Variants in PRKCH observed in about 807,000 individuals in gnomAD.
PRKCH encodes the protein protein kinase C eta type.
Under a neutral mutation model 82.5 loss-of-function variants are expected in PRKCH, and 28 were observed. That is an observed-to-expected ratio of 0.34 (90% CI 0.25 to 0.47). The LOEUF (loss-of-function observed/expected upper bound fraction) is 0.47, where lower values mean the gene tolerates loss of function less well. Among genes scored for constraint, PRKCH ranks in the 20% least tolerant of loss-of-function variants. PRKCH has a pLI of 1.00. For missense variants in PRKCH, 705 were observed against 881.8 expected, an observed-to-expected ratio of 0.80 and a Z score of 2.54; for synonymous variants, 322 against 327.4, an observed-to-expected ratio of 0.98 and a Z score of 0.18.
At chr14:61,372,678 A>G (rs1352681564) in intron 1 of PRKCH, among the ~76,000 whole-genome samples, 1 of 152,060 alleles carries the variant, frequency 6.6e-6, no homozygotes, top group Non-Finnish European at 1.5e-5. Context: ...TTAAGCCAGC[A>G]TCTTTTCCCT....
At position 61,516,073 on chromosome 14, in the gene PRKCH, A is replaced by G. The variant is rs1238181590; in HGVS notation, c.1434-13002A>G. On this transcript the variant is annotated intron_variant, in intron 10 of 13. Transcript: ENST00000332981. ...AACTAAACTCGGCTAATCAGGCTCT[A>G]AAGTCTGTGCCCGTAGCCTCACAAT... 2.0e-5 allele frequency among the ~76,000 whole-genome samples: 3 copies of G among 152,166 alleles called. No homozygotes were observed. In the East Asian group the frequency reaches 5.8e-4, roughly 29 times the overall value.
At chr14:61,386,946 C>G (rs1241364251) in intron 1 of PRKCH, among the ~76,000 whole-genome samples, 1 of 152,148 alleles carries the variant, frequency 6.6e-6, no homozygotes, top group African/African-American at 2.4e-5. Context: ...AAAAAAAAAT[C>G]CCAAAGAATC....
At chr14:61,329,638 C>A (rs2045755724) in intron 1 of PRKCH, among the ~76,000 whole-genome samples, 1 of 152,160 alleles carries the variant, frequency 6.6e-6, no homozygotes, top group South Asian at 2.1e-4. Context: ...CAATGAGCAT[C>A]TTTCAGTTCC....
intron 2 of PRKCH, among the ~76,000 whole-genome samples, chr14:61,426,232 A>G (rs970838169): frequency 3.3e-5 from 5 of 152,240 alleles, no homozygotes; most frequent in African/African-American, 1.2e-4. Flanking sequence ...TTCTTCATGT[A>G]GAGGAACATT....
chr14:61,329,254 T>TTTTTTTTTTTTTTTTTTTTTG (rs1555375988), intron 1 of PRKCH, among the ~76,000 whole-genome samples: 1 of 122,440 alleles, frequency 8.2e-6, no homozygotes, highest in African/African-American at 3.2e-5. Context: ...TTTTTTTTTT[T>TTTTTTTTTTTTTTTTTTTTTG]GAGACAGAAT....
At chr14:61,485,915 C>T (rs1886198953) in intron 10 of PRKCH, among the ~76,000 whole-genome samples, 2 of 152,340 alleles carry the variant, frequency 1.3e-5, no homozygotes, top group East Asian at 1.9e-4. Context: ...GCACGCACCA[C>T]TACACATGGC....
intron 10 of PRKCH, among the ~76,000 whole-genome samples, chr14:61,490,473 T>C (rs1886406517): frequency 6.6e-6 from 1 of 152,232 alleles, no homozygotes; most frequent in African/African-American, 2.4e-5. Context: ...ATCATCTAGC[T>C]CTTGTTTCTC....
chr14:61,285,238 A>G lies in PRKCH; in HGVS notation c.-19+97570A>G, dbSNP rs572708805. ...GAGTCATATTTACACTGCCACACCA[A>G]TGTATATATTTTGATACTTTCACCA... On this transcript the variant is annotated intron_variant, in intron 1 of 3. Transcript: ENST00000555185. Among the ~76,000 whole-genome samples the G allele has an allele frequency of 5.9e-5, 9 of 152,360 alleles. No homozygotes were observed. The South Asian group carries it at 1.7e-3, about 28-fold the overall frequency.
intron 2 of PRKCH, among the ~76,000 whole-genome samples, chr14:61,439,435 G>A (rs1309337360): frequency 6.6e-6 from 1 of 152,190 alleles, no homozygotes; most frequent in Non-Finnish European, 1.5e-5. Flanking sequence ...GTGTGTAGGT[G>A]CATGAGTGTG....
chr14:61,392,177 G>T (rs944079620), intron 2 of PRKCH, among the ~76,000 whole-genome samples: 1 of 150,802 alleles, frequency 6.6e-6, no homozygotes, highest in East Asian at 1.9e-4. Flanking sequence ...GACTTTTGGG[G>T]TTTTTCCTAT....
At chr14:61,338,604 A>G (rs1354787951) in intron 1 of PRKCH, among the ~76,000 whole-genome samples, 1 of 152,216 alleles carries the variant, frequency 6.6e-6, no homozygotes, top group African/African-American at 2.4e-5. Flanking sequence ...TCAGGAATGT[A>G]TTAATGACAG....
At chr14:61,443,293 G>C (rs771730667) in intron 3 of PRKCH, 32 bp downstream of exon 3, 2 of 1,597,842 alleles carry the variant, frequency 1.3e-6, no homozygotes, top group Non-Finnish European at 1.7e-6. Flanking sequence ...GTCCTCCTCA[G>C]AGCTTCCATC....
chr14:61,507,850 C>T (rs1594772307), intron 10 of PRKCH, among the ~76,000 whole-genome samples: 1 of 152,190 alleles, frequency 6.6e-6, no homozygotes, highest in East Asian at 1.9e-4. Flanking sequence ...GGAAATCCTA[C>T]TGTACAACAT....
At chr14:61,457,114 C>T (rs1262700781) in intron 7 of PRKCH, 62 bp from the exon 8 acceptor site, 27 of 1,562,562 alleles carry the variant, frequency 1.7e-5, no homozygotes, top group East Asian at 2.3e-5. Flanking sequence ...AGGTCTTCTT[C>T]GTGCATGGGT....
At chr14:61,454,173 C>T (rs1019956191) in intron 7 of PRKCH, among the ~76,000 whole-genome samples, 13 of 150,658 alleles carry the variant, frequency 8.6e-5, no homozygotes, top group Non-Finnish European at 1.2e-4. Flanking sequence ...CAGTGATATT[C>T]GCTCACTGCA....
At chr14:61,212,362 A>G (rs2044589471) in intron 1 of PRKCH, among the ~76,000 whole-genome samples, 1 of 152,218 alleles carries the variant, frequency 6.6e-6, no homozygotes, top group Non-Finnish European at 1.5e-5. Context: ...GCTGAGAAGT[A>G]TCAATTTTCA....
At chr14:61,241,821 T>A (rs913398321) in intron 1 of PRKCH, among the ~76,000 whole-genome samples, 7 of 152,216 alleles carry the variant, frequency 4.6e-5, no homozygotes, top group Non-Finnish European at 8.8e-5. Flanking sequence ...AAGAACAGTA[T>A]CTACTCTGTG....
At chr14:61,443,061 C>A (rs533310012) in intron 2 of PRKCH, 50 bp from the exon 3 acceptor site, 4 of 1,544,758 alleles carry the variant, frequency 2.6e-6, no homozygotes, top group Non-Finnish European at 3.5e-6. Context: ...CTATTAGGTG[C>A]GTTAGGTTCC....
At chr14:61,205,293 A>G (rs192993989) in intron 1 of PRKCH, among the ~76,000 whole-genome samples, 1 of 152,304 alleles carries the variant, frequency 6.6e-6, no homozygotes, top group African/African-American at 2.4e-5. Context: ...AAGGCCTTCA[A>G]GAGAGCCCTG....
Sources: allele counts gnomAD v4.1 joint callset (sites outside exome capture counted in the v4.1 genomes callset), GRCh38; gene constraint gnomAD v4.1.1; transcripts MANE v1.5; gene names NCBI Gene and HGNC (gene_info 2026-07-23, HGNC 2026-07-21).